Variants in URI1 observed in about 807,000 individuals in gnomAD.
URI1 encodes URI1 prefoldin like chaperone, also known as unconventional prefoldin RPB5 interactor 1.
Under a neutral mutation model 60.2 loss-of-function variants are expected in URI1, and 39 were observed. That is an observed-to-expected ratio of 0.65 (90% CI 0.50 to 0.85). The LOEUF (loss-of-function observed/expected upper bound fraction) is 0.85. URI1 is among the 40% of genes least tolerant of loss of function. The pLI is 0.00. For missense variants in URI1, 691 were observed against 665.9 expected (o/e 1.04, Z -0.42); for synonymous variants, 251 against 236.8 (o/e 1.06, Z -0.55).
intron 2 of URI1, among the ~76,000 whole-genome samples, chr19:29,972,690 G>A (rs374570292): frequency 6.6e-6 from 1 of 152,084 alleles, no homozygotes. Flanking sequence ...CTTGATAAAT[G>A]TTTGAGTAAA....
intron 1 of URI1, among the ~76,000 whole-genome samples, chr19:29,928,905 G>C (rs142658034): frequency 6.0e-4 from 92 of 152,270 alleles, no homozygotes; most frequent in African/African-American, 2.0e-3. Flanking sequence ...AGACTCCCAA[G>C]TTCCTTCACC....
chr19:29,967,974 AG>A (rs747883125), intron 1 of URI1, among the ~76,000 whole-genome samples: 2 of 152,212 alleles, frequency 1.3e-5, no homozygotes, highest in Non-Finnish European at 2.9e-5. Context: ...GGTTAAAGAC[AG>A]TTTTGTGTTG....
chr19:29,978,497 AT>A lies in URI1; in HGVS notation c.153-6717del, dbSNP rs199514705. ...TCTTTGTACTTTTTTTTCATTTTCC[AT>A]TTTTTTTTATGAAGAGTAACATCCA... is the stretch of plus-strand genomic sequence containing the variant. On this transcript the variant is annotated intron_variant, in intron 2 of 10. Coordinates refer to ENST00000392271, the MANE Select transcript of URI1 (RefSeq NM_003796.3). Among the ~76,000 whole-genome samples, 838 of 150,868 alleles carry A rather than the reference AT, an allele frequency of 5.6e-3. 2 individuals carry two copies. The highest frequency in any genetic ancestry group is 0.01 in the South Asian group (49 of 4,762).
Position 29,935,700 on chromosome 19 carries a change from C to CTTTTTTTTTTTTTTTTT in URI1, c.63+11960_63+11961insTTTTTTTTTTTTTTTTT, listed in dbSNP as rs34820413. The stretch of plus-strand genomic sequence containing the variant: ...TGGTAGGAAATTCTTGGTTGACAGT[C>CTTTTTTTTTTTTTTTTT]TTTTTTTTTTTTTTCCCCAGGACTT... On this transcript the variant is annotated intron_variant, in intron 1 of 10. Coordinates refer to the URI1 transcript ENST00000360605. 1.1e-3 allele frequency among the ~76,000 whole-genome samples: 146 copies of CTTTTTTTTTTTTTTTTT among 131,800 alleles called. 3 individuals are homozygous for CTTTTTTTTTTTTTTTTT. The highest frequency in any genetic ancestry group is 4.1e-3 in the African/African-American group (142 of 34,334). The allele number at this position is 131,800 out of a possible 152,430, so 86.5% of individuals were successfully genotyped here. A position where few individuals can be genotyped will look rare whatever the true frequency, so the allele number is the denominator to read the frequency against.
At chr19:29,956,674 A>G in intron 1 of URI1, 2 of 1,540,166 alleles carry the variant, frequency 1.3e-6, no homozygotes, top group Non-Finnish European at 1.8e-6. Flanking sequence ...CCCATTCTGG[A>G]TAACGACGTT....
At chr19:30,000,751 G>T (rs2055868338) in intron 4 of URI1, among the ~76,000 whole-genome samples, 1 of 151,952 alleles carries the variant, frequency 6.6e-6, no homozygotes, top group Non-Finnish European at 1.5e-5. Flanking sequence ...TTGAAGCCGT[G>T]CTATGGATCC....
chr19:29,948,990 G>A (rs1232688674), intron 1 of URI1, among the ~76,000 whole-genome samples: 51 of 144,528 alleles, frequency 3.5e-4, no homozygotes, highest in African/African-American at 1.1e-3. Flanking sequence ...CGGACGGGGC[G>A]GCTGGCCAGG....
chr19:29,973,839 T>C (rs1179458136), intron 2 of URI1, among the ~76,000 whole-genome samples: 2 of 152,164 alleles, frequency 1.3e-5, no homozygotes, highest in Non-Finnish European at 2.9e-5. Flanking sequence ...ATTTTAGAGC[T>C]AATAATAATG....
At chr19:30,013,929 T>A (rs1051173270) in intron 10 of URI1, among the ~76,000 whole-genome samples, 2 of 151,730 alleles carry the variant, frequency 1.3e-5, no homozygotes, top group African/African-American at 4.8e-5. Flanking sequence ...TAGAAGAAGG[T>A]GGCTTTTTAA....
chr19:29,962,338 A>C (rs2055336555), intron 1 of URI1, among the ~76,000 whole-genome samples: 1 of 129,428 alleles, frequency 7.7e-6, no homozygotes, highest in Non-Finnish European at 1.7e-5. Flanking sequence ...GTGATACATT[A>C]TTTTTTACTA....
intron 9 of URI1, among the ~76,000 whole-genome samples, chr19:30,011,833 G>A (rs1199967233): frequency 2.0e-5 from 3 of 148,310 alleles, no homozygotes; most frequent in Non-Finnish European, 4.5e-5. Context: ...TCACTCATAG[G>A]TGGGAATTGA....
chr19:29,968,006 A>T (rs1363546207), intron 1 of URI1, among the ~76,000 whole-genome samples: 2 of 152,164 alleles, frequency 1.3e-5, no homozygotes, highest in East Asian at 3.9e-4. Context: ...ATACCATATG[A>T]CTTTGTAGCC....
rs181029035 is a variant in URI1 at position 29,972,626 on chromosome 19, G to A, written c.152+1399G>A. Among the ~76,000 whole-genome samples the A allele has an allele frequency of 3.4e-3, 516 of 152,168 alleles. 5 individuals carry two copies. The highest frequency in any genetic ancestry group is 0.012 in the African/African-American group (501 of 41,550). ...TAGAGTTCTTTAAGGATAAGGGCAC[G>A]TTTTCATCCTTTTATTCACAGCCCC... is the stretch of plus-strand genomic sequence containing the variant. On this transcript the variant is annotated intron_variant, in intron 2 of 10. Coordinates refer to ENST00000392271, the MANE Select transcript of URI1 (RefSeq NM_003796.3).
intron 1 of URI1, among the ~76,000 whole-genome samples, chr19:29,945,155 C>T (rs2055087251): frequency 6.6e-6 from 1 of 152,168 alleles, no homozygotes; most frequent in South Asian, 2.1e-4. Context: ...AATGACTGTT[C>T]TCAGTTTTCC....
intron 2 of URI1, among the ~76,000 whole-genome samples, chr19:29,980,662 C>G (rs2055584504): frequency 7.0e-6 from 1 of 142,486 alleles, no homozygotes; most frequent in Admixed American, 7.1e-5. Flanking sequence ...TGGTGGCTCA[C>G]ACCTGTAATC....
At chr19:29,969,017 A>G (rs1285091384) in intron 1 of URI1, among the ~76,000 whole-genome samples, 1 of 152,146 alleles carries the variant, frequency 6.6e-6, no homozygotes, top group Non-Finnish European at 1.5e-5. Flanking sequence ...AAGATAACCT[A>G]GACATGCCAT....
Position 30,015,527 on chromosome 19 carries a change from C to G in URI1, c.*458C>G. ...AAAGGCACTTTAAAAAAATCTACTT[C>G]TCTTGTAGGTTTTGCGGCTAGTTGG... On this transcript the variant is annotated 3_prime_UTR_variant, in exon 11 of 11. Transcript: ENST00000392271. 2 of 1,534,172 alleles carry G rather than the reference C, an allele frequency of 1.3e-6. No individual in the cohort carries two copies. The highest frequency in any genetic ancestry group is 1.7e-6 in the Non-Finnish European group (2 of 1,146,110).
intron 2 of URI1, among the ~76,000 whole-genome samples, chr19:29,973,541 T>C (rs900596761): frequency 2.6e-5 from 4 of 152,170 alleles, no homozygotes; most frequent in Non-Finnish European, 5.9e-5. Flanking sequence ...TTATGCTTGT[T>C]TGTATAATTT....
intron 1 of URI1, among the ~76,000 whole-genome samples, chr19:29,963,022 G>A (rs573229709): frequency 6.6e-6 from 1 of 152,088 alleles, no homozygotes; most frequent in Admixed American, 6.5e-5. Context: ...TGCCTCCTCC[G>A]CCTACCCCCA....
Sources: allele counts gnomAD v4.1 joint callset (sites outside exome capture counted in the v4.1 genomes callset), GRCh38; gene constraint gnomAD v4.1.1; transcripts MANE v1.5; gene names NCBI Gene and HGNC (gene_info 2026-07-23, HGNC 2026-07-21).